The following RUNX2 variants were observed in gnomAD, a reference collection of about 807,000 sequenced individuals.
RUNX2 encodes runt-related transcription factor 2.
A neutral mutation model predicts 51.7 loss-of-function variants in RUNX2; 10 were observed. The ratio of observed to expected loss-of-function variants is 0.19; its 90% CI spans 0.12 to 0.33. The LOEUF is 0.33. Ranked by LOEUF, RUNX2 falls within the 10% of genes least tolerant of loss-of-function variation. The pLI is 1.00. For missense variants in RUNX2, 562 were observed against 691.3 expected, an observed-to-expected ratio of 0.81 and a Z score of 2.10; for synonymous variants, 276 against 273.6, an observed-to-expected ratio of 1.01 and a Z score of -0.09.
At chr6:45,412,498 A>G (rs1797972435) in intron 2 of RUNX2, among the ~76,000 whole-genome samples, 1 of 152,228 alleles carries the variant, frequency 6.6e-6, no homozygotes, top group Non-Finnish European at 1.5e-5. Context: ...GAATCAGTAT[A>G]TCATGGTTAA....
chr6:45,423,071 C>T, intron 3 of RUNX2, 114 bp downstream of exon 3: 5 of 1,395,980 alleles, frequency 3.6e-6, no homozygotes, highest in Non-Finnish European at 4.8e-6. Context: ...CCTGCCTTGG[C>T]GGCTCTAACC....
chr6:45,343,158 T>C (rs750872683), intron 2 of RUNX2, among the ~76,000 whole-genome samples: 3 of 152,188 alleles, frequency 2.0e-5, no homozygotes, highest in Non-Finnish European at 4.4e-5. Flanking sequence ...TCTAAACTCA[T>C]ACTCATAGTG....
intron 2 of RUNX2, among the ~76,000 whole-genome samples, chr6:45,397,715 G>A (rs1417675419): frequency 6.6e-6 from 1 of 152,062 alleles, no homozygotes; most frequent in Non-Finnish European, 1.5e-5. Context: ...TCTTTTGCTA[G>A]TCACGTAATA....
At chr6:45,362,054 A>AAACAAC (rs375160471) in intron 2 of RUNX2, among the ~76,000 whole-genome samples, 9 of 151,938 alleles carry the variant, frequency 5.9e-5, no homozygotes, top group South Asian at 2.1e-4. Flanking sequence ...TTCCTCTCAA[A>AAACAAC]AACAACAACA....
chr6:45,365,547 A>C (rs1794984153), intron 2 of RUNX2, among the ~76,000 whole-genome samples: 1 of 151,566 alleles, frequency 6.6e-6, no homozygotes, highest in Non-Finnish European at 1.5e-5. Context: ...TTTAGCACCT[A>C]TTTTACAATA....
At chr6:45,502,840 G>T (rs1395832424) in intron 6 of RUNX2, among the ~76,000 whole-genome samples, 11 of 152,190 alleles carry the variant, frequency 7.2e-5, no homozygotes, top group Admixed American at 7.2e-4. Context: ...TTGCATTTAG[G>T]ATAAAGATTA....
chr6:45,495,328 T>C (rs548321416), intron 6 of RUNX2, among the ~76,000 whole-genome samples: 52 of 152,372 alleles, frequency 3.4e-4, no homozygotes, highest in African/African-American at 1.3e-3. Flanking sequence ...GGATATCATA[T>C]CTGTCTTAGT....
intron 4 of RUNX2, among the ~76,000 whole-genome samples, chr6:45,435,869 C>G (rs910127920): frequency 1.3e-5 from 2 of 152,232 alleles, no homozygotes; most frequent in Non-Finnish European, 2.9e-5. Flanking sequence ...AACTTTCAAT[C>G]TAGAGATTCA....
intron 2 of RUNX2, among the ~76,000 whole-genome samples, chr6:45,392,720 TTA>T (rs1563065894): frequency 2.0e-5 from 3 of 151,704 alleles, no homozygotes. Context: ...TTTTTTTTTT[TTA>T]TATTTATGCT....
chr6:45,477,999 A>T (rs1458744308), intron 5 of RUNX2, among the ~76,000 whole-genome samples: 1 of 145,646 alleles, frequency 6.9e-6, no homozygotes, highest in Non-Finnish European at 1.5e-5. Flanking sequence ...ATACTTTCTC[A>T]TCTCGGTGTC....
At chr6:45,377,329 G>C (rs780733181) in intron 2 of RUNX2, 1 of 152,100 alleles carries the variant, frequency 6.6e-6, no homozygotes, top group African/African-American at 2.4e-5. Flanking sequence ...GAACACAGCG[G>C]ATCTTTTCCT....
chr6:45,446,252 T>G (rs1163064305), intron 5 of RUNX2, among the ~76,000 whole-genome samples: 1 of 152,240 alleles, frequency 6.6e-6, no homozygotes, highest in Non-Finnish European at 1.5e-5. Context: ...AACAAGGTGC[T>G]GTAGCTTTCA....
intron 2 of RUNX2, among the ~76,000 whole-genome samples, chr6:45,368,174 C>T (rs1056378517): frequency 6.6e-6 from 1 of 152,138 alleles, no homozygotes; most frequent in African/African-American, 2.4e-5. Context: ...ATTGAAAATG[C>T]ATCTGTTTGC....
chr6:45,539,576 G>T lies in RUNX2; in HGVS notation c.1022-5641G>T, dbSNP rs189009290. Among the ~76,000 whole-genome samples the T allele has an allele frequency of 2.6e-5, 4 of 152,232 alleles. No homozygotes were observed. In the East Asian group the frequency reaches 5.8e-4, roughly 22 times the overall value. ...TAGTTGGTCATTTTTTAGTGTGAGG[G>T]GAGAAATTCAGGGAAATTTAGAAAA... On this transcript the variant is annotated intron_variant, in intron 7 of 8. Transcript: ENST00000647337.
rs568692996 is a variant in RUNX2 at position 45,426,685 on chromosome 6, A to G, written c.423+3728A>G. ...TCATATGTTTTTCTGGCAGTGTTAA[A>G]GAAAGAAAACACATTTTTAGATATA... On this transcript the variant is annotated intron_variant, in intron 3 of 8. Transcript: ENST00000647337. Among the ~76,000 whole-genome samples the G allele has an allele frequency of 2.6e-5, 4 of 152,384 alleles. No individual in the cohort carries two copies. In the South Asian group the frequency reaches 8.3e-4, roughly 32 times the overall value.
intron 7 of RUNX2, among the ~76,000 whole-genome samples, chr6:45,513,888 A>T (rs1291543547): frequency 2.0e-5 from 3 of 152,202 alleles, no homozygotes; most frequent in Non-Finnish European, 1.5e-5. Context: ...AGTGGGGATA[A>T]CGAAGGCTGA....
intron 5 of RUNX2, among the ~76,000 whole-genome samples, chr6:45,458,547 A>G (rs1799385018): frequency 6.6e-6 from 1 of 152,226 alleles, no homozygotes; most frequent in Non-Finnish European, 1.5e-5. Context: ...TGGCAAATAC[A>G]TTATGATCTC....
chr6:45,535,342 T>C (rs1481417650), intron 7 of RUNX2, among the ~76,000 whole-genome samples: 3 of 152,074 alleles, frequency 2.0e-5, no homozygotes, highest in Non-Finnish European at 2.9e-5. Flanking sequence ...CAGTGGCTCA[T>C]GCCTGTAATC....
intron 2 of RUNX2, among the ~76,000 whole-genome samples, chr6:45,388,698 T>C (rs928742648): frequency 6.6e-6 from 1 of 152,200 alleles, no homozygotes; most frequent in Non-Finnish European, 1.5e-5. Flanking sequence ...TACAAATACA[T>C]TTATTTGGAA....
Sources: gnomAD v4.1 joint callset for allele counts (sites outside exome capture counted in the v4.1 genomes callset) on GRCh38, gnomAD v4.1.1 for gene constraint, MANE v1.5 for transcripts, NCBI Gene and HGNC (gene_info 2026-07-23, HGNC 2026-07-21) for gene names.